Variants in PRKG1 observed in about 807,000 individuals in gnomAD.
The protein encoded by PRKG1 is cGMP-dependent protein kinase 1.
In PRKG1, 35 loss-of-function variants were observed where a neutral mutation model predicts 88.1. That is an observed-to-expected ratio of 0.40 (90% CI 0.30 to 0.53). The LOEUF (loss-of-function observed/expected upper bound fraction) is 0.53, where lower values mean the gene tolerates loss of function less well. Ranked by LOEUF, PRKG1 falls within the 20% of genes least tolerant of loss-of-function variation. PRKG1 has a pLI of 0.59. For missense variants in PRKG1, 540 were observed against 839.8 expected, an observed-to-expected ratio of 0.64 and a Z score of 4.41; for synonymous variants, 303 against 292.5, an observed-to-expected ratio of 1.04 and a Z score of -0.37.
intron 7 of PRKG1, chr10:52,128,290 G>T: frequency 1.0e-6 from 1 of 985,388 alleles, no homozygotes; most frequent in Non-Finnish European, 1.2e-6. Flanking sequence ...GCTGAAAAGG[G>T]AGAGCCCCTA....
chr10:51,258,664 G>A (rs1172796220), intron 2 of PRKG1, among the ~76,000 whole-genome samples: 1 of 152,168 alleles, frequency 6.6e-6, no homozygotes, highest in Non-Finnish European at 1.5e-5. Flanking sequence ...GTGACTGTGT[G>A]GCCACAGTCA....
chr10:51,845,102 A>G (rs1840366083), intron 4 of PRKG1, among the ~76,000 whole-genome samples: 1 of 152,136 alleles, frequency 6.6e-6, no homozygotes, highest in East Asian at 1.9e-4. Flanking sequence ...TGACCTCAAA[A>G]TATCCTTGAG....
chr10:51,772,100 A>G (rs1228492209), intron 3 of PRKG1, among the ~76,000 whole-genome samples: 2 of 152,170 alleles, frequency 1.3e-5, no homozygotes, highest in Non-Finnish European at 2.9e-5. Flanking sequence ...AATATGTACA[A>G]TATTAAAAAT....
At chr10:51,630,859 G>A (rs1023640455) in intron 3 of PRKG1, among the ~76,000 whole-genome samples, 16 of 152,198 alleles carry the variant, frequency 1.1e-4, no homozygotes, top group East Asian at 7.7e-4. Context: ...GAGCTTCAGC[G>A]CTGTGGTTAG....
At chr10:51,219,045 T>C (rs191114759) in intron 2 of PRKG1, among the ~76,000 whole-genome samples, 8 of 152,072 alleles carry the variant, frequency 5.3e-5, no homozygotes, top group Admixed American at 3.3e-4. Context: ...AAGCAGTTAG[T>C]GCAGCAGCAA....
At chr10:51,045,277 A>G (rs1315004500) in intron 1 of PRKG1, among the ~76,000 whole-genome samples, 3 of 152,064 alleles carry the variant, frequency 2.0e-5, no homozygotes, top group Non-Finnish European at 4.4e-5. Context: ...TTCAAATAAA[A>G]TGCCTGTTTT....
chr10:51,871,831 AG>A (rs1217420862), intron 4 of PRKG1, among the ~76,000 whole-genome samples: 1 of 152,122 alleles, frequency 6.6e-6, no homozygotes, highest in Non-Finnish European at 1.5e-5. Context: ...GTCTTGCTGC[AG>A]GGGGTGGATG....
intron 1 of PRKG1, among the ~76,000 whole-genome samples, chr10:51,006,087 G>T (rs1057388843): frequency 3.9e-5 from 6 of 152,146 alleles, no homozygotes; most frequent in Non-Finnish European, 8.8e-5. Flanking sequence ...CCATGTCAGT[G>T]TTAAGCCTTT....
chr10:52,138,495 C>T (rs988929934), intron 8 of PRKG1, among the ~76,000 whole-genome samples: 1 of 152,070 alleles, frequency 6.6e-6, no homozygotes, highest in Non-Finnish European at 1.5e-5. Context: ...CAGTGGTCTT[C>T]ATTCTTTCCC....
At chr10:51,234,146 A>G (rs542009735) in intron 2 of PRKG1, among the ~76,000 whole-genome samples, 1 of 152,286 alleles carries the variant, frequency 6.6e-6, no homozygotes, top group East Asian at 1.9e-4. Flanking sequence ...TGCTAAGGTC[A>G]GTCTTTCTGA....
chr10:51,995,879 C>T (rs1844426339), intron 5 of PRKG1, among the ~76,000 whole-genome samples: 1 of 151,764 alleles, frequency 6.6e-6, no homozygotes, highest in Non-Finnish European at 1.5e-5. Flanking sequence ...AAAACATAGG[C>T]GGAAGCTCCA....
chr10:51,295,477 A>G (rs965397731), intron 2 of PRKG1, among the ~76,000 whole-genome samples: 7 of 152,146 alleles, frequency 4.6e-5, no homozygotes, highest in Non-Finnish European at 5.9e-5. Context: ...TACTAATTTT[A>G]TACCCTGAAA....
chr10:52,280,770 TTCCATTTC>T lies in PRKG1; in HGVS notation c.1404-17_1404-10del. 6.2e-7 allele frequency: 1 copy of T among 1,605,352 alleles called. No individual in the cohort carries two copies. The highest frequency in any genetic ancestry group is 8.5e-7 in the Non-Finnish European group (1 of 1,175,872). On this transcript the variant is annotated splice_polypyrimidine_tract_variant and intron_variant, in intron 12 of 17. Transcript: ENST00000373980. Reference sequence around the variant, plus strand: ...AAATTAATTTTTTATACAATTTTCATTCCATTTCTGCACCTCAGAGGTTCGTTTGAAGA... The same window carrying T: ...AAATTAATTTTTTATACAATTTTCATTGCACCTCAGAGGTTCGTTTGAAGA...
chr10:51,447,578 ACT>A (rs1292738414), intron 2 of PRKG1, among the ~76,000 whole-genome samples: 2 of 151,578 alleles, frequency 1.3e-5, no homozygotes, highest in African/African-American at 4.8e-5. Flanking sequence ...CTTAACTTTA[ACT>A]CTCTTCTATT....
intron 8 of PRKG1, among the ~76,000 whole-genome samples, chr10:52,152,980 T>G (rs1219220863): frequency 6.6e-6 from 1 of 152,148 alleles, no homozygotes; most frequent in East Asian, 1.9e-4. Context: ...AGAAGGAGAC[T>G]GACCAAAAAC....
chr10:52,171,477 G>A (rs1008459955), intron 9 of PRKG1, among the ~76,000 whole-genome samples: 2 of 152,072 alleles, frequency 1.3e-5, no homozygotes, highest in African/African-American at 4.8e-5. Flanking sequence ...TTATTGCAGG[G>A]CAAAATATAG....
At chr10:51,969,217 A>G (rs898942025) in intron 5 of PRKG1, among the ~76,000 whole-genome samples, 1 of 152,192 alleles carries the variant, frequency 6.6e-6, no homozygotes, top group Non-Finnish European at 1.5e-5. Flanking sequence ...TAGCAAATGC[A>G]AAACCAGGCT....
chr10:51,285,150 G>T (rs1161493084), intron 2 of PRKG1, among the ~76,000 whole-genome samples: 1 of 146,480 alleles, frequency 6.8e-6, no homozygotes, highest in Non-Finnish European at 1.5e-5. Context: ...GCGGTGTTTG[G>T]TTTTTTGTTC....
At chr10:51,907,412 A>G in intron 4 of PRKG1, 95 bp from the exon 5 acceptor site, 1 of 921,830 alleles carries the variant, frequency 1.1e-6, no homozygotes. Context: ...GTCATGAAAT[A>G]GTTTTGTATT....
Sources: allele counts gnomAD v4.1 joint callset (sites outside exome capture counted in the v4.1 genomes callset), GRCh38; gene constraint gnomAD v4.1.1; transcripts MANE v1.5; gene names NCBI Gene and HGNC (gene_info 2026-07-23, HGNC 2026-07-21).